The following MAST2 variants were observed in gnomAD, a reference collection of about 807,000 sequenced individuals.
The protein encoded by MAST2 is microtubule-associated serine/threonine-protein kinase 2.
Under a neutral mutation model 147.4 loss-of-function variants are expected in MAST2, and 70 were observed. The observed-to-expected ratio is 0.47, with a 90% CI of 0.39 to 0.58. MAST2 has a LOEUF of 0.58. Ranked by LOEUF, MAST2 falls within the 20% of genes least tolerant of loss-of-function variation. MAST2 has a pLI of 0.00. For missense variants in MAST2, 2,080 were observed against 2,302.3 expected, an observed-to-expected ratio of 0.90 and a Z score of 1.98; for synonymous variants, 869 against 896.8, an observed-to-expected ratio of 0.97 and a Z score of 0.55.
chr1:45,969,698 A>G (rs1451806798), intron 5 of MAST2, among the ~76,000 whole-genome samples: 1 of 152,024 alleles, frequency 6.6e-6, no homozygotes, highest in African/African-American at 2.4e-5. Context: ...CACTGATTCT[A>G]TATTATGGTG....
chr1:45,889,846 G>A (rs1421721634), intron 4 of MAST2, among the ~76,000 whole-genome samples: 1 of 151,488 alleles, frequency 6.6e-6, no homozygotes, highest in East Asian at 1.9e-4. Context: ...CCCAACCTCA[G>A]GTGATTAAGC....
At chr1:45,928,887 T>C (rs1158551487) in intron 4 of MAST2, among the ~76,000 whole-genome samples, 3 of 152,140 alleles carry the variant, frequency 2.0e-5, no homozygotes, top group Non-Finnish European at 4.4e-5. Context: ...TTTGTTCTTG[T>C]AGACTTTCCC....
At chr1:45,837,781 CAT>C (rs1043283225) in intron 3 of MAST2, among the ~76,000 whole-genome samples, 6 of 152,086 alleles carry the variant, frequency 3.9e-5, no homozygotes, top group Admixed American at 3.3e-4. Flanking sequence ...TAGGTATTAT[CAT>C]ATATTTTTTT....
chr1:45,922,104 C>G (rs1361962427), intron 4 of MAST2, among the ~76,000 whole-genome samples: 1 of 152,144 alleles, frequency 6.6e-6, no homozygotes, highest in Non-Finnish European at 1.5e-5. Context: ...GCAGGTGGTC[C>G]CATTATCTCC....
chr1:46,028,119 C>T (rs1018945088), intron 17 of MAST2, among the ~76,000 whole-genome samples: 3 of 152,162 alleles, frequency 2.0e-5, no homozygotes, highest in African/African-American at 7.2e-5. Context: ...TCTTTTCTAC[C>T]TTTGGGTTCC....
Position 45,889,338 on chromosome 1 carries a change from C to CAT in MAST2, c.500+6943_500+6944insAT, listed in dbSNP as rs1553223722. Among the ~76,000 whole-genome samples the CAT allele has an allele frequency of 4.6e-5, 7 of 151,878 alleles. No individual in the cohort carries two copies. The East Asian group carries it at 5.8e-4, about 13-fold the overall frequency. On this transcript the variant is annotated intron_variant, in intron 4 of 28. Coordinates refer to ENST00000361297, the MANE Select transcript of MAST2 (RefSeq NM_015112.3). The stretch of plus-strand genomic sequence containing the variant: ...AGTAGCTGGGACCACAGGTGCACGC[C>CAT]GCCACACCCAGCTAATTTTTGTACT...
At position 46,006,864 on chromosome 1, in the gene MAST2, T is replaced by G. The variant is rs12143581; in HGVS notation, c.902+469T>G. Among the ~76,000 whole-genome samples, 1,389 of 152,352 alleles carry G rather than the reference T, an allele frequency of 9.1e-3. 9 individuals are homozygous for G. Among genetic ancestry groups the G allele is most frequent in the Non-Finnish European group, 0.015 (1,001 of 68,020 alleles). On this transcript the variant is annotated intron_variant, in intron 8 of 28. Coordinates refer to ENST00000361297, the MANE Select transcript of MAST2 (RefSeq NM_015112.3). ...AGGAGAACAATGGTATCATCAATTC[T>G]GATGGTTATCTGGCTCCAGAACCCA...
intron 4 of MAST2, among the ~76,000 whole-genome samples, chr1:45,957,256 G>A (rs986285642): frequency 6.6e-6 from 1 of 152,096 alleles, no homozygotes; most frequent in African/African-American, 2.4e-5. Flanking sequence ...CCTTGTTATT[G>A]CTGAGTAGAA....
At chr1:45,959,356 A>G in intron 4 of MAST2, 30 bp from the exon 5 acceptor site, 3 of 1,583,056 alleles carry the variant, frequency 1.9e-6, no homozygotes, top group Non-Finnish European at 2.6e-6. Flanking sequence ...GTGTGGCCCT[A>G]TTATAATTCA....
intron 1 of MAST2, 99 bp downstream of exon 1, chr1:45,804,171 G>T (rs771728324): frequency 7.2e-6 from 9 of 1,247,626 alleles, no homozygotes; most frequent in Non-Finnish European, 9.1e-6. Context: ...GGAGGGGTGG[G>T]GTCTGAGTAG....
chr1:45,835,277 G>T (rs1433778033), intron 3 of MAST2, among the ~76,000 whole-genome samples: 1 of 152,014 alleles, frequency 6.6e-6, no homozygotes, highest in Non-Finnish European at 1.5e-5. Context: ...AGGAAAGTAA[G>T]ACTACTTTGA....
chr1:45,808,526 ACTT>A (rs1225213161), intron 1 of MAST2, among the ~76,000 whole-genome samples: 6 of 152,158 alleles, frequency 3.9e-5, no homozygotes, highest in South Asian at 2.1e-4. Flanking sequence ...GTAGTCTTTT[ACTT>A]CTTCTCCTTT....
At chr1:46,021,918 T>A (rs1401939116) in intron 11 of MAST2, 32 bp from the exon 12 acceptor site, 1 of 1,611,964 alleles carries the variant, frequency 6.2e-7, no homozygotes. Context: ...CTTATATCTG[T>A]CACCACTGAC....
At chr1:46,022,383 G>T (rs1403699500) in intron 12 of MAST2, among the ~76,000 whole-genome samples, 1 of 152,202 alleles carries the variant, frequency 6.6e-6, no homozygotes, top group Non-Finnish European at 1.5e-5. Flanking sequence ...TGCAAAAATG[G>T]TCACCTCCTC....
At chr1:45,902,332 C>T (rs1649921676) in intron 4 of MAST2, among the ~76,000 whole-genome samples, 1 of 152,126 alleles carries the variant, frequency 6.6e-6, no homozygotes, top group Non-Finnish European at 1.5e-5. Context: ...AGGCATAAAA[C>T]CATTTGATCA....
rs1445372106 is a variant in MAST2 at position 46,000,916 on chromosome 1, G to A, written c.669-1889G>A. 5 of 1,272,638 alleles carry A rather than the reference G, an allele frequency of 3.9e-6. No homozygotes were observed. The South Asian group carries it at 6.2e-5, about 16-fold the overall frequency. The allele number at this position is 1,272,638 out of a possible 1,614,324, so 78.8% of individuals were successfully genotyped here. ...AAGATTCAAAAAGATCACTCTCTCT[G>A]GTTCCTTTGGTTCTCACTATAATGT... On this transcript the variant is annotated intron_variant, in intron 6 of 28. Coordinates refer to ENST00000361297, the MANE Select transcript of MAST2 (RefSeq NM_015112.3).
At chr1:45,941,944 G>A (rs1657361404) in intron 4 of MAST2, among the ~76,000 whole-genome samples, 1 of 152,220 alleles carries the variant, frequency 6.6e-6, no homozygotes, top group Non-Finnish European at 1.5e-5. Flanking sequence ...GTTTGCTTTT[G>A]TTAAGGTGCG....
chr1:45,846,476 G>T (rs534804548), intron 3 of MAST2, among the ~76,000 whole-genome samples: 6 of 152,072 alleles, frequency 3.9e-5, no homozygotes, highest in Non-Finnish European at 8.8e-5. Context: ...TGCAGATCAC[G>T]TCTATCTATT....
intron 1 of MAST2, among the ~76,000 whole-genome samples, chr1:45,806,985 G>A (rs1354757502): frequency 6.6e-6 from 1 of 152,134 alleles, no homozygotes; most frequent in Non-Finnish European, 1.5e-5. Flanking sequence ...TGGGATTATG[G>A]GCATGAGTGC....
Sources: allele counts gnomAD v4.1 joint callset (sites outside exome capture counted in the v4.1 genomes callset), GRCh38; gene constraint gnomAD v4.1.1; transcripts MANE v1.5; gene names NCBI Gene and HGNC (gene_info 2026-07-23, HGNC 2026-07-21).